Variants in BBX observed in about 807,000 individuals in gnomAD.
BBX encodes the protein HMG box transcription factor BBX.
In BBX, 30 loss-of-function variants were observed where a neutral mutation model predicts 100.2. The observed-to-expected ratio is 0.30, with a 90% CI of 0.22 to 0.41. BBX has a LOEUF of 0.41. BBX is among the 10% of genes least tolerant of loss of function. The pLI is 1.00. For missense variants in BBX, 1,023 were observed against 1,129.8 expected (o/e 0.91, Z 1.35); for synonymous variants, 376 against 388.1 (o/e 0.97, Z 0.37).
chr3:107,782,887 A>G (rs1030050828), intron 13 of BBX, among the ~76,000 whole-genome samples: 2 of 152,048 alleles, frequency 1.3e-5, no homozygotes, highest in Non-Finnish European at 2.9e-5. Context: ...GAAATTTGGT[A>G]GGGAAAGAGA....
In BBX at chr3:107,773,497, C is replaced by A; in HGVS notation, c.1776C>A (p.Ala592=). Residue 592 remains alanine, a synonymous_variant, in exon 11 of 18, where the codon GCC becomes GCA. Coordinates refer to ENST00000325805, the MANE Select transcript of BBX (RefSeq NM_001142568.3). This position sits in a 1 kb window ranked among gnomAD's most constrained non-coding sequence, Gnocchi z 4.1. ...TACCACCCAGCCTATCAGGACAGGC[C>A]AAGCCTGAGGACAGTGACTGTCACA... ...DALPPSLSGQ[A]KPEDSDCHRK... 1 of 1,614,068 alleles carries A rather than the reference C, an allele frequency of 6.2e-7. No individual in the cohort carries two copies. The highest frequency in any genetic ancestry group is 8.5e-7 in the Non-Finnish European group (1 of 1,179,972).
In BBX at chr3:107,807,474, T is replaced by C. The variant is rs967472844; in HGVS notation, c.*2017T>C. 17 of 151,962 alleles carry C rather than the reference T, an allele frequency of 1.1e-4. No individual in the cohort carries two copies. The highest frequency in any genetic ancestry group is 3.9e-4 in the African/African-American group (16 of 41,364). 9.4% of individuals were successfully genotyped at this position (151,962 alleles called of 1,614,324 possible). A position where few individuals can be genotyped will look rare whatever the true frequency, so the allele number is the denominator to read the frequency against. On this transcript the variant is annotated 3_prime_UTR_variant, in exon 18 of 18. Transcript: ENST00000325805. ...GTCCCGATGTTGGTGGCTGTTGGAG[T>C]TTTGGACCACTCGCTAGCAGTGATT... is the stretch of plus-strand genomic sequence containing the variant.
At position 107,792,950 on chromosome 3, in the gene BBX, C is replaced by G. The variant is rs889730767; in HGVS notation, c.2353+1651C>G. On this transcript the variant is annotated intron_variant, in intron 15 of 17. Transcript: ENST00000325805. Reference sequence around the variant, plus strand: ...TGCAGTGTGGTAGAAAGAGCACTTACCTGGGAGTTAGGAAATCTGGGTTCT... The same window carrying G: ...TGCAGTGTGGTAGAAAGAGCACTTAGCTGGGAGTTAGGAAATCTGGGTTCT... Among the ~76,000 whole-genome samples the G allele has an allele frequency of 2.0e-5, 3 of 152,176 alleles. No homozygotes were observed. In the East Asian group the frequency reaches 5.8e-4, roughly 29 times the overall value.
At chr3:107,617,030 A>C (rs1201708865) in intron 2 of BBX, among the ~76,000 whole-genome samples, 1 of 152,150 alleles carries the variant, frequency 6.6e-6, no homozygotes, top group East Asian at 1.9e-4. Context: ...TTTGCATTTT[A>C]CATTTAAGTC....
At chr3:107,539,473 T>C (rs1576224152) in intron 2 of BBX, among the ~76,000 whole-genome samples, 1 of 152,090 alleles carries the variant, frequency 6.6e-6, no homozygotes, top group East Asian at 1.9e-4. Flanking sequence ...CCTTGCAAAA[T>C]GCTTACTTAA....
At chr3:107,566,879 T>A (rs2050957576) in intron 2 of BBX, among the ~76,000 whole-genome samples, 1 of 152,128 alleles carries the variant, frequency 6.6e-6, no homozygotes, top group African/African-American at 2.4e-5. Context: ...ATAATTCATT[T>A]ATTTTTAAAC....
At chr3:107,791,954 T>C (rs937718012) in intron 15 of BBX, among the ~76,000 whole-genome samples, 5 of 152,112 alleles carry the variant, frequency 3.3e-5, no homozygotes, top group African/African-American at 1.2e-4. Flanking sequence ...TGAGCCAAGA[T>C]CGTACCACTG....
At chr3:107,693,660 C>T (rs1281464808) in intron 3 of BBX, among the ~76,000 whole-genome samples, 4 of 151,734 alleles carry the variant, frequency 2.6e-5, no homozygotes, top group African/African-American at 4.9e-5. Context: ...TCTTTTGGCT[C>T]AGGATTGACT....
At chr3:107,733,130 G>A in intron 7 of BBX, 107 bp downstream of exon 7, 1 of 909,612 alleles carries the variant, frequency 1.1e-6, no homozygotes, top group Non-Finnish European at 1.7e-6. Flanking sequence ...TACAGCTCAT[G>A]AACAAACTTT....
intron 10 of BBX, among the ~76,000 whole-genome samples, chr3:107,756,731 G>A (rs548296895): frequency 1.8e-4 from 28 of 152,260 alleles, no homozygotes; most frequent in African/African-American, 4.8e-4. Context: ...ACACTACAAT[G>A]ACACGCTTCT....
intron 2 of BBX, among the ~76,000 whole-genome samples, chr3:107,639,609 C>G (rs189781389): frequency 5.9e-4 from 90 of 152,252 alleles, no homozygotes; most frequent in Non-Finnish European, 9.8e-4. Context: ...CTCATTGATA[C>G]AATTCATAGG....
At chr3:107,606,021 A>G (rs1269819967) in intron 2 of BBX, among the ~76,000 whole-genome samples, 1 of 152,252 alleles carries the variant, frequency 6.6e-6, no homozygotes, top group African/African-American at 2.4e-5. Context: ...GTAAAAGTTC[A>G]GATAACCAGG....
chr3:107,696,890 G>C (rs10433376), intron 3 of BBX, among the ~76,000 whole-genome samples: 117,492 of 151,080 alleles, frequency 0.78, 46,512 homozygotes, highest in East Asian at 0.99. Flanking sequence ...GGAGGCTTTG[G>C]TCGTTTCTTT....
At chr3:107,560,214 A>T (rs982319323) in intron 2 of BBX, among the ~76,000 whole-genome samples, 2 of 151,622 alleles carry the variant, frequency 1.3e-5, no homozygotes, top group Non-Finnish European at 1.5e-5. Flanking sequence ...CATGAAAAAA[A>T]AAAAATAACA....
chr3:107,739,159 A>G (rs1172760663), intron 7 of BBX, among the ~76,000 whole-genome samples: 1 of 152,232 alleles, frequency 6.6e-6, no homozygotes, highest in Non-Finnish European at 1.5e-5. Flanking sequence ...AACATCAATG[A>G]AATGAGGCTA....
At chr3:107,753,402 C>T (rs776488933) in intron 9 of BBX, among the ~76,000 whole-genome samples, 21 of 152,056 alleles carry the variant, frequency 1.4e-4, no homozygotes, top group South Asian at 4.1e-4. Context: ...AACCTCCCCC[C>T]ACACATGCCC....
At chr3:107,614,199 C>T (rs1489943325) in intron 2 of BBX, among the ~76,000 whole-genome samples, 1 of 151,998 alleles carries the variant, frequency 6.6e-6, no homozygotes. Flanking sequence ...GTCCGCCTGC[C>T]TCGGCCTCCC....
At chr3:107,613,687 C>T (rs2055020389) in intron 2 of BBX, among the ~76,000 whole-genome samples, 1 of 152,018 alleles carries the variant, frequency 6.6e-6, no homozygotes, top group Admixed American at 6.6e-5. Context: ...AGATTCAATA[C>T]ATATGCTTTT....
intron 3 of BBX, among the ~76,000 whole-genome samples, chr3:107,708,471 C>A (rs2061515437): frequency 6.6e-6 from 1 of 152,036 alleles, no homozygotes; most frequent in African/African-American, 2.4e-5. Context: ...GTCAGGAGTT[C>A]AAGACCAGAC....
Sources: allele counts gnomAD v4.1 joint callset (sites outside exome capture counted in the v4.1 genomes callset), GRCh38; gene constraint gnomAD v4.1.1; non-coding constraint Gnocchi (gnomAD v3.1); transcripts MANE v1.5; gene names NCBI Gene and HGNC (gene_info 2026-07-23, HGNC 2026-07-21).